Variants in RBKS observed in about 807,000 individuals in gnomAD.
RBKS encodes ribokinase.
Under a neutral mutation model 33.9 loss-of-function variants are expected in RBKS, and 33 were observed. The observed-to-expected ratio is 0.97, with a 90% CI of 0.74 to 1.30. RBKS has a LOEUF of 1.30. Ranked by LOEUF, RBKS falls within the 50% of genes most tolerant of loss-of-function variation. The pLI is 0.00. For missense variants in RBKS, 361 were observed against 392.6 expected, an observed-to-expected ratio of 0.92 and a Z score of 0.68; for synonymous variants, 125 against 143.0, an observed-to-expected ratio of 0.87 and a Z score of 0.90.
At chr2:27,831,144 T>C (rs568886651) in intron 6 of RBKS, among the ~76,000 whole-genome samples, 1 of 151,898 alleles carries the variant, frequency 6.6e-6, no homozygotes, top group East Asian at 1.9e-4. Flanking sequence ...TGTGAATTCC[T>C]GACATGCAAA....
At position 27,799,741 on chromosome 2, in the gene RBKS, A is replaced by C. The variant is rs538511905; in HGVS notation, c.796-17953T>G. Among the ~76,000 whole-genome samples the C allele has an allele frequency of 2.0e-5, 3 of 152,350 alleles. No homozygotes were observed. In the East Asian group the frequency reaches 5.8e-4, roughly 29 times the overall value. ...CAACAGGGTCAGCCTTGCTGGCTAC[A>C]CTGGGTTTAGGTCAGAATTTCTTCA... On this transcript the variant is annotated intron_variant, in intron 7 of 7. Transcript: ENST00000302188.
intron 7 of RBKS, among the ~76,000 whole-genome samples, chr2:27,824,603 A>G (rs1015400243): frequency 6.6e-6 from 1 of 152,224 alleles, no homozygotes; most frequent in Non-Finnish European, 1.5e-5. Context: ...GATATACCAC[A>G]ATTTGTTTAT....
At chr2:27,803,699 CA>C (rs10715321) in intron 7 of RBKS, among the ~76,000 whole-genome samples, 49,534 of 125,358 alleles carry the variant, frequency 0.4, 10,050 homozygotes, top group East Asian at 0.66. Context: ...GACTCTGTCT[CA>C]AAAAAAAAAA....
At chr2:27,860,252 GTGA>G (rs1240206300) in intron 1 of RBKS, among the ~76,000 whole-genome samples, 6 of 152,190 alleles carry the variant, frequency 3.9e-5, no homozygotes, top group Admixed American at 2.6e-4. Context: ...GCAATGACAA[GTGA>G]TGATGAGATT....
chr2:27,882,954 G>T (rs926513166), intron 1 of RBKS, among the ~76,000 whole-genome samples: 1 of 151,880 alleles, frequency 6.6e-6, no homozygotes, highest in African/African-American at 2.4e-5. Flanking sequence ...GAGGGAAGAG[G>T]ATCAGGAAAA....
At chr2:27,882,233 A>AG (rs1241977473) in intron 1 of RBKS, among the ~76,000 whole-genome samples, 2 of 152,226 alleles carry the variant, frequency 1.3e-5, no homozygotes, top group Non-Finnish European at 2.9e-5. Context: ...AGAAAAAAAA[A>AG]CAACCCCATT....
intron 7 of RBKS, among the ~76,000 whole-genome samples, chr2:27,813,744 CAAT>C (rs1678036872): frequency 6.6e-6 from 1 of 151,640 alleles, no homozygotes; most frequent in African/African-American, 2.4e-5. Flanking sequence ...GGAAAGGCAA[CAAT>C]AAGAGAAAAT....
intron 1 of RBKS, among the ~76,000 whole-genome samples, chr2:27,872,373 G>A (rs190244572): frequency 9.9e-4 from 150 of 152,028 alleles, no homozygotes; most frequent in Admixed American, 1.8e-3. Context: ...AATAAAACAA[G>A]CCAACAAAAG....
intron 7 of RBKS, among the ~76,000 whole-genome samples, chr2:27,799,655 A>G (rs187528392): frequency 1.3e-5 from 2 of 152,368 alleles, no homozygotes; most frequent in East Asian, 3.9e-4. Flanking sequence ...AGAGAGGGCA[A>G]ATGTAAACCA....
At chr2:27,840,358 G>GCA (rs1558546972) in intron 5 of RBKS, among the ~76,000 whole-genome samples, 1 of 132,344 alleles carries the variant, frequency 7.6e-6, no homozygotes, top group African/African-American at 3.2e-5. Flanking sequence ...ACACACACGC[G>GCA]CGCGCGCACA....
intron 1 of RBKS, among the ~76,000 whole-genome samples, chr2:27,876,461 T>C (rs911858222): frequency 2.0e-5 from 3 of 152,194 alleles, no homozygotes; most frequent in Admixed American, 6.5e-5. Flanking sequence ...GCTCTGTGCA[T>C]TTTTTCTTTA....
At chr2:27,871,833 G>T (rs907000698) in intron 1 of RBKS, among the ~76,000 whole-genome samples, 2 of 152,190 alleles carry the variant, frequency 1.3e-5, no homozygotes, top group Admixed American at 6.5e-5. Flanking sequence ...GTTGATTTAT[G>T]ATGGTCTCTG....
In RBKS at chr2:27,784,460, A is replaced by G. The variant is rs1200974776; in HGVS notation, c.796-2672T>C. 2.6e-5 allele frequency among the ~76,000 whole-genome samples: 4 copies of G among 152,352 alleles called. No individual in the cohort carries two copies. The East Asian group carries it at 7.7e-4, about 29-fold the overall frequency. On this transcript the variant is annotated intron_variant, in intron 7 of 7. Transcript: ENST00000302188. ...CCCAGCACAGTGATGGGTGCTAGAA[A>G]AGGACTAAAATCCATTGTGGATTAA...
At chr2:27,878,206 A>G (rs1475129724) in intron 1 of RBKS, among the ~76,000 whole-genome samples, 22 of 126,614 alleles carry the variant, frequency 1.7e-4, no homozygotes, top group South Asian at 5.2e-4. Context: ...AACAGTCCCC[A>G]GAGTGTGATG....
At chr2:27,834,770 G>C (rs1678483433) in intron 5 of RBKS, among the ~76,000 whole-genome samples, 1 of 152,184 alleles carries the variant, frequency 6.6e-6, no homozygotes, top group South Asian at 2.1e-4. Context: ...GCACAGATTA[G>C]AGCAAAGCTA....
intron 7 of RBKS, among the ~76,000 whole-genome samples, chr2:27,822,646 T>G (rs1368447350): frequency 6.6e-6 from 1 of 152,208 alleles, no homozygotes; most frequent in Non-Finnish European, 1.5e-5. Context: ...TAGAGTTAAC[T>G]CTCAAGCTCT....
intron 5 of RBKS, among the ~76,000 whole-genome samples, chr2:27,838,117 T>C (rs1341590020): frequency 6.6e-6 from 1 of 152,064 alleles, no homozygotes; most frequent in African/African-American, 2.4e-5. Context: ...TAAGAATCAC[T>C]TGAATATGGG....
chr2:27,832,702 C>T lies in RBKS; in HGVS notation c.590G>A (p.Cys197Tyr). The T allele has an allele frequency of 1.2e-6, 2 of 1,611,944 alleles. No homozygotes were observed. The highest frequency in any genetic ancestry group is 8.5e-7 in the Non-Finnish European group (1 of 1,178,182). The change falls in exon 6 of 8, where the codon TGC (cysteine) becomes TAC (tyrosine). Residue 197 changes from cysteine to tyrosine, a missense_variant. Coordinates refer to ENST00000302188, the MANE Select transcript of RBKS (RefSeq NM_022128.3). ...PQFYTLSDVF[C>Y]CNESEAEILT... ...CACCCTTACCTCACTTTCATTGCAGCAGAACACATCTGAGAGGGTGTAGAA... is the reference window on the plus strand; with the variant it reads ...CACCCTTACCTCACTTTCATTGCAGTAGAACACATCTGAGAGGGTGTAGAA...
chr2:27,858,357 T>TG (rs1663901087), intron 2 of RBKS, 82 bp downstream of exon 2: 1 of 1,445,770 alleles, frequency 6.9e-7, no homozygotes, highest in Non-Finnish European at 9.4e-7. Context: ...CTAAAATGGT[T>TG]GAAAAAATTA....
Sources: gnomAD v4.1 joint callset for allele counts (sites outside exome capture counted in the v4.1 genomes callset) on GRCh38, gnomAD v4.1.1 for gene constraint, MANE v1.5 for transcripts, NCBI Gene and HGNC (gene_info 2026-07-23, HGNC 2026-07-21) for gene names.